Variants in CACNA2D3 observed in about 807,000 individuals in gnomAD.
The protein encoded by CACNA2D3 is calcium voltage-gated channel auxiliary subunit alpha2delta 3.
In CACNA2D3, 60 loss-of-function variants were observed where a neutral mutation model predicts 160.6. That is an observed-to-expected ratio of 0.37 (90% CI 0.30 to 0.46). The LOEUF (loss-of-function observed/expected upper bound fraction) is 0.46. CACNA2D3 is among the 20% of genes least tolerant of loss of function. The pLI is 1.00. For missense variants in CACNA2D3, 1,205 were observed against 1,365.0 expected (o/e 0.88, Z 1.85); for synonymous variants, 558 against 492.9 (o/e 1.13, Z -1.75).
chr3:54,881,831 T>TGGC (rs1359576146), intron 21 of CACNA2D3, among the ~76,000 whole-genome samples: 1 of 152,226 alleles, frequency 6.6e-6, no homozygotes, highest in Admixed American at 6.5e-5. Flanking sequence ...GGGCCATCCA[T>TGGC]GGCGCCCTCA....
At chr3:54,376,913 A>T (rs1699022950) in intron 3 of CACNA2D3, among the ~76,000 whole-genome samples, 1 of 152,196 alleles carries the variant, frequency 6.6e-6, no homozygotes. Context: ...ACAACAAGGG[A>T]ATTGGAACAG....
intron 9 of CACNA2D3, among the ~76,000 whole-genome samples, chr3:54,608,534 G>A (rs576757094): frequency 1.3e-5 from 2 of 152,232 alleles, no homozygotes; most frequent in East Asian, 1.9e-4. Context: ...TTGCATGCAC[G>A]TGGCCTGGCT....
intron 2 of CACNA2D3, among the ~76,000 whole-genome samples, chr3:54,165,574 C>T (rs1033919215): frequency 6.7e-6 from 1 of 148,956 alleles, no homozygotes; most frequent in South Asian, 2.1e-4. Flanking sequence ...CCTGTAATTC[C>T]CCTTTGGGAA....
At chr3:54,627,402 T>C (rs995810938) in intron 9 of CACNA2D3, among the ~76,000 whole-genome samples, 4 of 151,980 alleles carry the variant, frequency 2.6e-5, no homozygotes, top group African/African-American at 4.8e-5. Context: ...AGCCAGGGAA[T>C]GGATTGAGAG....
intron 25 of CACNA2D3, among the ~76,000 whole-genome samples, chr3:54,891,867 G>A (rs1042925419): frequency 6.6e-6 from 1 of 152,212 alleles, no homozygotes; most frequent in Non-Finnish European, 1.5e-5. Context: ...TCCAAGTCCT[G>A]TTTGTTTACA....
Position 54,880,784 on chromosome 3 carries a change from C to T in CACNA2D3, c.1845-12C>T. 6.2e-7 allele frequency: 1 copy of T among 1,611,642 alleles called. No homozygotes were observed. Among genetic ancestry groups the T allele is most frequent in the Non-Finnish European group, 8.5e-7 (1 of 1,177,788 alleles). ...CCAGGGATTTCAAGATTTGCTTTGT[C>T]TCTCTGCACAGTTTAGGTGTGGCGC... On this transcript the variant is annotated splice_polypyrimidine_tract_variant and intron_variant, in intron 20 of 37. Transcript: ENST00000474759.
chr3:54,652,713 C>G (rs757061895), intron 11 of CACNA2D3, among the ~76,000 whole-genome samples: 9 of 150,730 alleles, frequency 6.0e-5, no homozygotes, highest in Non-Finnish European at 1.2e-4. Context: ...CAGCCAACTT[C>G]TCTGGGCTTC....
intron 5 of CACNA2D3, among the ~76,000 whole-genome samples, chr3:54,528,789 T>C (rs1341370702): frequency 6.6e-6 from 1 of 152,152 alleles, no homozygotes; most frequent in Non-Finnish European, 1.5e-5. Flanking sequence ...AACATGCAAA[T>C]TCAGATGGAG....
rs138988549 is a variant in CACNA2D3, at chr3:54,310,962, A to G, written c.205-9480A>G. 3.9e-4 allele frequency among the ~76,000 whole-genome samples: 59 copies of G among 152,282 alleles called. 1 individual carries two copies. The highest frequency in any genetic ancestry group is 5.0e-4 in the Non-Finnish European group (34 of 68,028). On this transcript the variant is annotated intron_variant, in intron 2 of 37. Coordinates refer to ENST00000474759, the MANE Select transcript of CACNA2D3 (RefSeq NM_018398.3). ...GGACTTGAACGTGGAACATCTGGCTAGAGAGTCCCTGGTCCTCGGCACCAT... is the reference window on the plus strand; with the variant it reads ...GGACTTGAACGTGGAACATCTGGCTGGAGAGTCCCTGGTCCTCGGCACCAT...
At chr3:54,170,047 G>A (rs2107309387) in intron 2 of CACNA2D3, among the ~76,000 whole-genome samples, 1 of 152,098 alleles carries the variant, frequency 6.6e-6, no homozygotes, top group South Asian at 2.1e-4. Context: ...AATTAGCCAG[G>A]CGTGGTGGTG....
intron 3 of CACNA2D3, among the ~76,000 whole-genome samples, chr3:54,360,902 C>T (rs918653910): frequency 1.3e-5 from 2 of 151,964 alleles, no homozygotes; most frequent in African/African-American, 4.8e-5. Context: ...TTTGGTTTTT[C>T]TATGTCTCAT....
intron 3 of CACNA2D3, among the ~76,000 whole-genome samples, chr3:54,323,530 G>A (rs1193811644): frequency 6.7e-6 from 1 of 149,136 alleles, no homozygotes; most frequent in Non-Finnish European, 1.5e-5. Context: ...GCAGTGATGC[G>A]ATCTCAGCTC....
chr3:54,859,160 C>T (rs1196009723), intron 17 of CACNA2D3, among the ~76,000 whole-genome samples: 1 of 152,156 alleles, frequency 6.6e-6, no homozygotes, highest in East Asian at 1.9e-4. Flanking sequence ...ATTACTGCAG[C>T]TCAAACCTCC....
chr3:54,894,155 C>T (rs746714230), intron 25 of CACNA2D3, among the ~76,000 whole-genome samples: 18 of 152,176 alleles, frequency 1.2e-4, no homozygotes, highest in Non-Finnish European at 1.6e-4. Context: ...GCAATAGCTC[C>T]TAGTATCCAG....
chr3:54,264,798 C>T (rs1702470159), intron 2 of CACNA2D3, among the ~76,000 whole-genome samples: 1 of 152,150 alleles, frequency 6.6e-6, no homozygotes, highest in Non-Finnish European at 1.5e-5. Flanking sequence ...ACCAAGTTTT[C>T]TTTCATTGCC....
Position 54,590,403 on chromosome 3 carries a change from T to TA in CACNA2D3, c.963+8527dup, listed in dbSNP as rs772204353. Among the ~76,000 whole-genome samples the TA allele has an allele frequency of 3.3e-5, 5 of 152,002 alleles. No individual in the cohort carries two copies. The East Asian group carries it at 9.6e-4, about 29-fold the overall frequency. On this transcript the variant is annotated intron_variant, in intron 9 of 37. Coordinates refer to ENST00000474759, the MANE Select transcript of CACNA2D3 (RefSeq NM_018398.3). ...AGTTTAATAGAAAGAGAGAACAGAT[T>TA]AGTGGTTGCCAGGGGTTAGGCATGG... is the stretch of plus-strand genomic sequence containing the variant.
At chr3:54,802,176 G>A (rs1030601677) in intron 13 of CACNA2D3, among the ~76,000 whole-genome samples, 1 of 152,124 alleles carries the variant, frequency 6.6e-6, no homozygotes, top group East Asian at 1.9e-4. Flanking sequence ...CCATGCAACT[G>A]GGAGAGGTCA....
At chr3:54,872,351 A>G (rs574434354) in intron 18 of CACNA2D3, among the ~76,000 whole-genome samples, 2 of 152,170 alleles carry the variant, frequency 1.3e-5, no homozygotes, top group South Asian at 2.1e-4. Flanking sequence ...TTAAATCATA[A>G]CTTCCCAGGT....
At chr3:54,871,405 G>C (rs931776166) in intron 17 of CACNA2D3, 134 bp from the exon 18 acceptor site, 2 of 612,608 alleles carry the variant, frequency 3.3e-6, no homozygotes, top group African/African-American at 3.7e-5. Context: ...CTGTCACCCT[G>C]CTGGGCTTCT....
Sources: gnomAD v4.1 joint callset for allele counts (sites outside exome capture counted in the v4.1 genomes callset) on GRCh38, gnomAD v4.1.1 for gene constraint, MANE v1.5 for transcripts, NCBI Gene and HGNC (gene_info 2026-07-23, HGNC 2026-07-21) for gene names.